The following TBC1D16 variants were observed in gnomAD, a reference collection of about 807,000 sequenced individuals.
The protein encoded by TBC1D16 is CTD-2529O21.1.
A neutral mutation model predicts 74.7 loss-of-function variants in TBC1D16; 58 were observed. The observed-to-expected ratio is 0.78, with a 90% CI of 0.63 to 0.97. TBC1D16 has a LOEUF of 0.97. Ranked by LOEUF, TBC1D16 falls within the 50% of genes least tolerant of loss-of-function variation. TBC1D16 has a pLI of 0.00. For synonymous variants in TBC1D16, 493 were observed against 474.7 expected (o/e 1.04, Z -0.50); for missense variants, 1,014 against 1,079.5 (o/e 0.94, Z 0.85).
intron 1 of TBC1D16, among the ~76,000 whole-genome samples, chr17:80,033,697 G>A (rs150600018): frequency 3.9e-5 from 6 of 152,242 alleles, no homozygotes; most frequent in African/African-American, 1.2e-4. Flanking sequence ...ATCTTTCTAC[G>A]CCATGTTCTT....
At position 79,971,167 on chromosome 17, in the gene TBC1D16, C is replaced by T. The variant is rs189169346; in HGVS notation, c.780-18349G>A. Among the ~76,000 whole-genome samples, 142 of 152,112 alleles carry T rather than the reference C, an allele frequency of 9.3e-4. 1 individual carries two copies. In the East Asian group the frequency reaches 0.023, roughly 25 times the overall value. On this transcript the variant is annotated intron_variant, in intron 3 of 11. Transcript: ENST00000310924. The surrounding 1 kb of genome is among the most constrained non-coding windows in gnomAD (Gnocchi z 4.6). ...CCTCCTGAGTAGCTGGGATTACAGG[C>T]GTGCACCACCAAGCCCGGCTAATTT...
Position 79,941,927 on chromosome 17 carries a change from G to C in TBC1D16, c.2055+133C>G. On this transcript the variant is annotated intron_variant, in intron 11 of 11. Transcript: ENST00000310924. The surrounding 1 kb of genome is among the most constrained non-coding windows in gnomAD (Gnocchi z 4.3). The stretch of plus-strand genomic sequence containing the variant: ...TATGGGTGGGGGAGGGCACGTGCTG[G>C]GGGGCCATGGTGGGGATGGGGCTCT... The C allele has an allele frequency of 2.5e-6, 2 of 791,956 alleles. No individual in the cohort carries two copies. Among genetic ancestry groups the C allele is most frequent in the Admixed American group, 4.6e-5 (2 of 43,512 alleles). The allele number at this position is 791,956 out of a possible 1,614,324, so 49.1% of individuals were successfully genotyped here. A position where few individuals can be genotyped will look rare whatever the true frequency, so the allele number is the denominator to read the frequency against.
chr17:79,966,199 A>G (rs963700053), intron 3 of TBC1D16, among the ~76,000 whole-genome samples: 5 of 152,152 alleles, frequency 3.3e-5, no homozygotes, highest in African/African-American at 1.2e-4. Context: ...TTCCCTCTGT[A>G]TATGGGTCTA....
intron 9 of TBC1D16, 144 bp from the exon 10 acceptor site, chr17:79,945,231 G>GT (rs1555858258): frequency 1.6e-5 from 14 of 856,614 alleles, no homozygotes; most frequent in Non-Finnish European, 2.3e-5. Flanking sequence ...GCATGTGCCT[G>GT]CCCCCCCAAC....
intron 2 of TBC1D16, among the ~76,000 whole-genome samples, chr17:80,012,951 C>T (rs1218740782): frequency 6.6e-6 from 1 of 152,218 alleles, no homozygotes; most frequent in Non-Finnish European, 1.5e-5. Flanking sequence ...CCGAGAGTCG[C>T]TCAGCCTCTC....
rs376134880 is a variant in TBC1D16, at chr17:79,980,457, G to A, written c.780-27639C>T. Among the ~76,000 whole-genome samples the A allele has an allele frequency of 1.3e-5, 2 of 152,172 alleles. No individual in the cohort carries two copies. The highest frequency in any genetic ancestry group is 2.9e-5 in the Non-Finnish European group (2 of 68,030). On this transcript the variant is annotated intron_variant, in intron 3 of 11. Coordinates refer to ENST00000310924, the MANE Select transcript of TBC1D16 (RefSeq NM_019020.4). The surrounding 1 kb of genome is among the most constrained non-coding windows in gnomAD (Gnocchi z 7.0). Reference sequence around the variant, plus strand: ...ATGCAGTGGGAGTCTGGGCCGCTACGTTGTGGGGTGGTGTAACCAGGGTTT... The same window carrying A: ...ATGCAGTGGGAGTCTGGGCCGCTACATTGTGGGGTGGTGTAACCAGGGTTT...
At position 80,003,436 on chromosome 17, in the gene TBC1D16, T is replaced by C. The variant is rs547176591; in HGVS notation, c.779+6724A>G. On this transcript the variant is annotated intron_variant, in intron 3 of 11. Transcript: ENST00000310924. ...CCCGCTGGCGGCACGGGACCCAAGG[T>C]GGCAGGCCGGCGGCACTGGTGTCAC... Among the ~76,000 whole-genome samples the C allele has an allele frequency of 3.0e-3, 458 of 152,184 alleles. 3 individuals carry two copies. The highest frequency in any genetic ancestry group is 4.4e-3 in the Non-Finnish European group (298 of 68,010).
intron 9 of TBC1D16, among the ~76,000 whole-genome samples, chr17:79,946,221 C>T (rs1247839522): frequency 1.3e-5 from 2 of 152,212 alleles, no homozygotes; most frequent in African/African-American, 2.4e-5. Context: ...CAAGGTAGTG[C>T]GAATGGTTTC....
At chr17:79,972,394 C>T (rs2034149362) in intron 3 of TBC1D16, among the ~76,000 whole-genome samples, 1 of 152,122 alleles carries the variant, frequency 6.6e-6, no homozygotes, top group African/African-American at 2.4e-5. Context: ...CCACGCTGGT[C>T]TCGAACTCCT....
Position 80,013,580 on chromosome 17 carries a change from T to G in TBC1D16, c.-33A>C. 6.8e-7 allele frequency: 1 copy of G among 1,462,762 alleles called. No individual in the cohort carries two copies. The highest frequency in any genetic ancestry group is 9.1e-7 in the Non-Finnish European group (1 of 1,103,666). 90.6% of individuals were successfully genotyped at this position (1,462,762 alleles called of 1,614,324 possible). On this transcript the variant is annotated 5_prime_UTR_variant, in exon 2 of 12. Transcript: ENST00000310924. ...CAAGTGTTTCCATCCTCCGCATGCG[T>G]CGGCCCGGGCAGGGCTCGTCAAGAC...
At chr17:79,959,758 C>A in intron 3 of TBC1D16, among the ~76,000 whole-genome samples, 1 of 152,172 alleles carries the variant, frequency 6.6e-6, no homozygotes, top group Non-Finnish European at 1.5e-5. Flanking sequence ...AACTAGGAAA[C>A]TTCCAGAAGA....
chr17:80,019,656 G>T lies in TBC1D16; in HGVS notation c.-62-6047C>A, dbSNP rs138346260. Among the ~76,000 whole-genome samples, 101 of 149,852 alleles carry T rather than the reference G, an allele frequency of 6.7e-4. 1 individual carries two copies. The East Asian group carries it at 0.019, about 28-fold the overall frequency. ...GCAAACTAGAAGTGGAGAATCCTTG[G>T]CCCATTTTTTAAAACTTTTTTTTAG... is the stretch of plus-strand genomic sequence containing the variant. On this transcript the variant is annotated intron_variant, in intron 1 of 11. Transcript: ENST00000310924.
At chr17:80,004,096 T>C (rs1194844429) in intron 3 of TBC1D16, among the ~76,000 whole-genome samples, 2 of 152,204 alleles carry the variant, frequency 1.3e-5, no homozygotes, top group Non-Finnish European at 2.9e-5. Flanking sequence ...AAAAACAATT[T>C]TATTAATCCG....
rs528949289 is a variant in TBC1D16, at chr17:80,010,068, C to G, written c.779+92G>C. On this transcript the variant is annotated intron_variant, in intron 3 of 11. Coordinates refer to ENST00000310924, the MANE Select transcript of TBC1D16 (RefSeq NM_019020.4). This position sits in a 1 kb window ranked among gnomAD's most constrained non-coding sequence, Gnocchi z 8.8. ...GTCGGGCAGATGCCTCCAGCGCTCA[C>G]CTGGCATCACAGGTGACGCAGGTGA... 23 of 1,117,796 alleles carry G rather than the reference C, an allele frequency of 2.1e-5. No individual in the cohort carries two copies. Among genetic ancestry groups the G allele is most frequent in the Non-Finnish European group, 2.8e-5 (22 of 793,162 alleles). 69.2% of individuals were successfully genotyped at this position (1,117,796 alleles called of 1,614,324 possible). A position where few individuals can be genotyped will look rare whatever the true frequency, so the allele number is the denominator to read the frequency against.
chr17:79,983,948 C>T lies in TBC1D16; in HGVS notation c.779+26212G>A, dbSNP rs1170793335. ...GGGGTATGATCTCGGCTTACTGCAG[C>T]CTTGATCTCCCAGGCTTAAGGGATC... On this transcript the variant is annotated intron_variant, in intron 3 of 11. Coordinates refer to ENST00000310924, the MANE Select transcript of TBC1D16 (RefSeq NM_019020.4). This position sits in a 1 kb window ranked among gnomAD's most constrained non-coding sequence, Gnocchi z 5.6. Among the ~76,000 whole-genome samples the T allele has an allele frequency of 3.3e-5, 5 of 151,978 alleles. No homozygotes were observed. Among genetic ancestry groups the T allele is most frequent in the African/African-American group, 1.2e-4 (5 of 41,308 alleles).
intron 3 of TBC1D16, among the ~76,000 whole-genome samples, chr17:79,982,292 G>C (rs969046967): frequency 4.0e-5 from 6 of 151,312 alleles, no homozygotes; most frequent in Admixed American, 2.0e-4. Context: ...AATTACATGC[G>C]CCCGCCATCA....
At chr17:80,003,584 C>T (rs1488406708) in intron 3 of TBC1D16, among the ~76,000 whole-genome samples, 1 of 151,682 alleles carries the variant, frequency 6.6e-6, no homozygotes, top group East Asian at 1.9e-4. Flanking sequence ...TATTTTTATA[C>T]ATTGGTTTTC....
At position 79,961,299 on chromosome 17, in the gene TBC1D16, C is replaced by T. The variant is rs1245648938; in HGVS notation, c.780-8481G>A. ...TGCAAATTAAAACCACAATGAGATA[C>T]TCCTACTCACCTATTAGAATGGCTA... On this transcript the variant is annotated intron_variant, in intron 3 of 11. Transcript: ENST00000310924. The surrounding 1 kb of genome is among the most constrained non-coding windows in gnomAD (Gnocchi z 4.8). Among the ~76,000 whole-genome samples the T allele has an allele frequency of 6.6e-6, 1 of 152,200 alleles. No individual in the cohort carries two copies. The highest frequency in any genetic ancestry group is 6.5e-5 in the Admixed American group (1 of 15,278).
chr17:79,946,570 G>A (rs1220567112), intron 9 of TBC1D16, among the ~76,000 whole-genome samples: 2 of 152,096 alleles, frequency 1.3e-5, no homozygotes, highest in East Asian at 3.9e-4. Context: ...CTGGGGTGGG[G>A]ACCCCATTCT....
Sources: gnomAD v4.1 joint callset for allele counts (sites outside exome capture counted in the v4.1 genomes callset) on GRCh38, gnomAD v4.1.1 for gene constraint, Gnocchi (gnomAD v3.1) non-coding constraint, MANE v1.5 for transcripts, NCBI Gene and HGNC (gene_info 2026-07-23, HGNC 2026-07-21) for gene names.